FHIT: variants seen among roughly 807,000 people sequenced by gnomAD.
FHIT encodes the protein fragile histidine triad diadenosine triphosphatase.
A neutral mutation model predicts 17.9 loss-of-function variants in FHIT; 19 were observed. The ratio of observed to expected loss-of-function variants is 1.06; its 90% CI spans 0.74 to 1.56. FHIT has a LOEUF of 1.56. Ranked by LOEUF, FHIT falls within the 40% of genes most tolerant of loss-of-function variation. The probability of loss-of-function intolerance (pLI) is 0.00; values close to 1 mark genes in which losing one functional copy is unlikely to be tolerated. For synonymous variants in FHIT, 81 were observed against 69.7 expected (o/e 1.16, Z -0.81); for missense variants, 248 against 189.2 (o/e 1.31, Z -1.82).
intron 7 of FHIT, among the ~76,000 whole-genome samples, chr3:59,970,054 T>A (rs1205207983): frequency 6.6e-6 from 1 of 152,072 alleles, no homozygotes; most frequent in African/African-American, 2.4e-5. Context: ...CTCCCTAACC[T>A]GCCTTAAGTC....
At chr3:59,862,025 A>C (rs1378169031) in intron 8 of FHIT, among the ~76,000 whole-genome samples, 8 of 151,416 alleles carry the variant, frequency 5.3e-5, no homozygotes, top group African/African-American at 1.7e-4. Flanking sequence ...AAAAAAAAAA[A>C]CCTGTAACTG....
At chr3:60,770,472 C>T (rs1313167684) in intron 4 of FHIT, among the ~76,000 whole-genome samples, 5 of 152,232 alleles carry the variant, frequency 3.3e-5, no homozygotes, top group African/African-American at 9.6e-5. Flanking sequence ...GCGGTCTGCC[C>T]TCCTCTTCTC....
At chr3:61,001,990 T>C (rs1416584953) in intron 3 of FHIT, among the ~76,000 whole-genome samples, 1 of 152,212 alleles carries the variant, frequency 6.6e-6, no homozygotes, top group African/African-American at 2.4e-5. Context: ...TCTACTGTTA[T>C]TTCAAATTTT....
intron 7 of FHIT, among the ~76,000 whole-genome samples, chr3:59,934,563 T>C (rs1706136753): frequency 6.6e-6 from 1 of 152,146 alleles, no homozygotes; most frequent in African/African-American, 2.4e-5. Context: ...AGAGAGTAGA[T>C]GTATTAGTCT....
chr3:60,489,907 G>A (rs576626265), intron 5 of FHIT, among the ~76,000 whole-genome samples: 1 of 151,968 alleles, frequency 6.6e-6, no homozygotes, highest in Non-Finnish European at 1.5e-5. Flanking sequence ...TCATCTGCTT[G>A]GAGTTTTTAT....
chr3:60,153,330 T>G, intron 5 of FHIT, among the ~76,000 whole-genome samples: 1 of 116,906 alleles, frequency 8.6e-6, no homozygotes, highest in Admixed American at 1.1e-4. Flanking sequence ...ATAAACCGAG[T>G]GAAAGAAAGG....
intron 3 of FHIT, among the ~76,000 whole-genome samples, chr3:60,933,235 G>A (rs1457138244): frequency 1.3e-5 from 2 of 152,036 alleles, no homozygotes; most frequent in African/African-American, 4.8e-5. Flanking sequence ...GGAGAAAATG[G>A]TCCAAAAGAG....
Position 60,501,921 on chromosome 3 carries a change from T to C in FHIT, c.103+34939A>G, listed in dbSNP as rs1004905259. Among the ~76,000 whole-genome samples the C allele has an allele frequency of 3.9e-5, 6 of 152,352 alleles. 2 individuals carry two copies. On this transcript the variant is annotated intron_variant, in intron 5 of 9. Coordinates refer to ENST00000492590, the MANE Select transcript of FHIT (RefSeq NM_002012.4). ...AAAGAAAAGCTAAAATGTGGCATCT[T>C]TGCCATCCAGGCGGTTCTTTGATAA...
At chr3:60,161,972 G>C (rs943674404) in intron 5 of FHIT, among the ~76,000 whole-genome samples, 1 of 152,170 alleles carries the variant, frequency 6.6e-6, no homozygotes, top group Non-Finnish European at 1.5e-5. Flanking sequence ...CTAACAGCAA[G>C]AAGAAGGTAA....
intron 7 of FHIT, among the ~76,000 whole-genome samples, chr3:59,955,997 G>T (rs562123326): frequency 6.6e-6 from 1 of 152,302 alleles, no homozygotes; most frequent in South Asian, 2.1e-4. Context: ...AATAAAGGAT[G>T]AAACCTGAAA....
At chr3:59,867,217 TATG>T (rs1293426235) in intron 8 of FHIT, among the ~76,000 whole-genome samples, 1 of 150,290 alleles carries the variant, frequency 6.7e-6, no homozygotes, top group Non-Finnish European at 1.5e-5. Flanking sequence ...AGTGGTAGTT[TATG>T]AAGATCACCG....
chr3:60,124,426 G>A (rs1390929298), intron 5 of FHIT, among the ~76,000 whole-genome samples: 1 of 151,996 alleles, frequency 6.6e-6, no homozygotes, highest in Non-Finnish European at 1.5e-5. Flanking sequence ...CCTGATGTTT[G>A]TGTCTTTCTT....
chr3:60,992,165 C>G (rs1426368600), intron 3 of FHIT, among the ~76,000 whole-genome samples: 2 of 152,150 alleles, frequency 1.3e-5, no homozygotes, highest in African/African-American at 2.4e-5. Flanking sequence ...AGTTCAAGAA[C>G]AGGTGAAACT....
chr3:59,814,793 C>T (rs1700536528), intron 8 of FHIT, among the ~76,000 whole-genome samples: 1 of 152,196 alleles, frequency 6.6e-6, no homozygotes, highest in South Asian at 2.1e-4. Flanking sequence ...CTTTCTTCTA[C>T]TGGAAATTGC....
intron 5 of FHIT, among the ~76,000 whole-genome samples, chr3:60,226,472 CAAAAAAAAAAAA>C (rs1189100387): frequency 2.9e-5 from 2 of 70,148 alleles, no homozygotes; most frequent in South Asian, 1.1e-3. Context: ...AACTCCGTCT[CAAAAAAAAAAAA>C]AAAAAAAAAA....
chr3:60,356,730 A>G (rs1200310389), intron 5 of FHIT, among the ~76,000 whole-genome samples: 1 of 133,250 alleles, frequency 7.5e-6, no homozygotes, highest in East Asian at 2.7e-4. Flanking sequence ...AAAATGGGCT[A>G]TTATATAGCA....
chr3:60,729,254 A>T (rs1040931130), intron 4 of FHIT, among the ~76,000 whole-genome samples: 1 of 152,346 alleles, frequency 6.6e-6, no homozygotes, highest in Non-Finnish European at 1.5e-5. Context: ...CCTACATTCC[A>T]AGAGTGGAGA....
chr3:60,174,524 T>C (rs1035628109), intron 5 of FHIT, among the ~76,000 whole-genome samples: 4 of 152,182 alleles, frequency 2.6e-5, no homozygotes, highest in African/African-American at 7.2e-5. Context: ...ATTATTTTTA[T>C]ACTAGTGTTA....
chr3:60,570,272 G>A (rs1036555596), intron 4 of FHIT, among the ~76,000 whole-genome samples: 1 of 152,106 alleles, frequency 6.6e-6, no homozygotes, highest in Non-Finnish European at 1.5e-5. Flanking sequence ...CAGAAGTGGT[G>A]GTGAGAATAA....
Sources: gnomAD v4.1 joint callset for allele counts (sites outside exome capture counted in the v4.1 genomes callset) on GRCh38, gnomAD v4.1.1 for gene constraint, MANE v1.5 for transcripts, NCBI Gene and HGNC (gene_info 2026-07-23, HGNC 2026-07-21) for gene names.